The following SDK1 variants were observed in gnomAD, a reference collection of about 807,000 sequenced individuals.
The protein encoded by SDK1 is protein sidekick-1.
In SDK1, 157 loss-of-function variants were observed where a neutral mutation model predicts 245.5. That is an observed-to-expected ratio of 0.64 (90% CI 0.56 to 0.73). The LOEUF is 0.73. Among genes scored for constraint, SDK1 ranks in the 30% least tolerant of loss-of-function variants. SDK1 has a pLI of 0.00. For synonymous variants in SDK1, 1,647 were observed against 1,278.5 expected (o/e 1.29, Z -6.15); for missense variants, 3,583 against 3,002.3 (o/e 1.19, Z -4.52).
intron 17 of SDK1, among the ~76,000 whole-genome samples, chr7:4,035,745 A>G (rs1788161624): frequency 6.6e-6 from 1 of 152,214 alleles, no homozygotes; most frequent in Non-Finnish European, 1.5e-5. Flanking sequence ...GCAGGTCAGA[A>G]GCAGATAATG....
chr7:3,351,290 ATAAAAAT>A (rs946218982), intron 1 of SDK1, among the ~76,000 whole-genome samples: 4 of 152,206 alleles, frequency 2.6e-5, no homozygotes, highest in Non-Finnish European at 5.9e-5. Flanking sequence ...CATATAAATA[ATAAAAAT>A]TGGTGAATCA....
At position 4,130,006 on chromosome 7, in the gene SDK1, C is replaced by T. The variant is rs201492363; in HGVS notation, c.4038C>T (p.Phe1346=). ...QSALLAGLRK[F]VLYELQVLAF... ...CCCTGCTGGCAGGCCTGCGCAAGTT[C>T]GTGCTCTACGAGCTCCAGGTGCTGG... Residue 1346 remains phenylalanine (F), a synonymous_variant, in exon 27 of 45, where the codon TTC becomes TTT. Transcript: ENST00000404826. 75 of 1,613,652 alleles carry T rather than the reference C, an allele frequency of 4.6e-5. No homozygotes were observed. In the Admixed American group the frequency reaches 9.2e-4, roughly 20 times the overall value.
At position 3,807,909 on chromosome 7, in the gene SDK1, A is replaced by G. The variant is rs139560716; in HGVS notation, c.714-13541A>G. Among the ~76,000 whole-genome samples the G allele has an allele frequency of 5.4e-3, 826 of 152,252 alleles. 12 individuals carry two copies. Among genetic ancestry groups the G allele is most frequent in the African/African-American group, 0.018 (763 of 41,548 alleles). On this transcript the variant is annotated intron_variant, in intron 4 of 44. Coordinates refer to ENST00000404826, the MANE Select transcript of SDK1 (RefSeq NM_152744.4). Reference sequence around the variant, plus strand: ...AAGTGTATGCCAACTGTATGTACCAATCACCTTTTAATATCTCGTTTAATT... The same window carrying G: ...AAGTGTATGCCAACTGTATGTACCAGTCACCTTTTAATATCTCGTTTAATT...
chr7:3,559,907 G>A lies in SDK1; in HGVS notation c.299-59173G>A, dbSNP rs137935155. On this transcript the variant is annotated intron_variant, in intron 1 of 44. Coordinates refer to ENST00000404826, the MANE Select transcript of SDK1 (RefSeq NM_152744.4). The stretch of plus-strand genomic sequence containing the variant: ...CCTAGTATAGTGCTTGACAATAAAT[G>A]TTTCAGGATGATTGATGTTGAATAA... Among the ~76,000 whole-genome samples the A allele has an allele frequency of 1.6e-3, 246 of 152,266 alleles. 1 individual carries two copies. Among genetic ancestry groups the A allele is most frequent in the African/African-American group, 5.8e-3 (241 of 41,560 alleles).
chr7:4,214,848 C>T (rs1242240684), intron 38 of SDK1, among the ~76,000 whole-genome samples: 1 of 152,154 alleles, frequency 6.6e-6, no homozygotes, highest in African/African-American at 2.4e-5. Flanking sequence ...CCGCCGGGGT[C>T]TTTCCCGCCA....
chr7:3,788,332 T>C (rs1323185992), intron 4 of SDK1, among the ~76,000 whole-genome samples: 1 of 152,112 alleles, frequency 6.6e-6, no homozygotes, highest in African/African-American at 2.4e-5. Context: ...GTGCGGTCAG[T>C]GTGTGAAACT....
At chr7:3,386,337 A>G (rs1334195266) in intron 1 of SDK1, among the ~76,000 whole-genome samples, 4 of 152,200 alleles carry the variant, frequency 2.6e-5, no homozygotes, top group Non-Finnish European at 5.9e-5. Context: ...GAATTTCTGA[A>G]TATTTTATGT....
chr7:4,032,056 G>C (rs1326606650), intron 17 of SDK1, among the ~76,000 whole-genome samples: 2 of 149,732 alleles, frequency 1.3e-5, no homozygotes, highest in African/African-American at 2.5e-5. Context: ...TACATAGATA[G>C]ATAGATCGAT....
chr7:3,725,927 A>C (rs1479104441), intron 4 of SDK1, among the ~76,000 whole-genome samples: 2 of 152,234 alleles, frequency 1.3e-5, no homozygotes, highest in East Asian at 1.9e-4. Flanking sequence ...TACATCACAA[A>C]ATAATGACCG....
intron 4 of SDK1, among the ~76,000 whole-genome samples, chr7:3,751,372 C>T (rs1422140050): frequency 1.3e-5 from 2 of 151,676 alleles, no homozygotes; most frequent in Non-Finnish European, 2.9e-5. Flanking sequence ...GCTGCTGCGT[C>T]GCCCTCTCCA....
intron 5 of SDK1, among the ~76,000 whole-genome samples, chr7:3,850,869 G>A (rs1780402473): frequency 7.0e-6 from 1 of 143,834 alleles, no homozygotes; most frequent in African/African-American, 2.5e-5. Context: ...GGGGTAGGGG[G>A]AGGGGGGAGG....
At chr7:3,957,356 T>A (rs1034936139) in intron 7 of SDK1, among the ~76,000 whole-genome samples, 1 of 152,310 alleles carries the variant, frequency 6.6e-6, no homozygotes, top group Middle Eastern at 3.4e-3. Context: ...ATCCTGATCA[T>A]GATGTTATGC....
intron 1 of SDK1, among the ~76,000 whole-genome samples, chr7:3,525,558 G>A (rs1783099724): frequency 1.3e-5 from 2 of 152,120 alleles, no homozygotes; most frequent in African/African-American, 4.8e-5. Flanking sequence ...GGTGCTGTGT[G>A]TACAACATCC....
At chr7:3,668,404 A>G (rs1448351894) in intron 4 of SDK1, among the ~76,000 whole-genome samples, 2 of 152,194 alleles carry the variant, frequency 1.3e-5, no homozygotes, top group Non-Finnish European at 2.9e-5. Flanking sequence ...GGACCTCTCC[A>G]TGGGCATGGA....
chr7:3,340,579 G>A (rs906402760), intron 1 of SDK1, among the ~76,000 whole-genome samples: 1 of 152,036 alleles, frequency 6.6e-6, no homozygotes, highest in Non-Finnish European at 1.5e-5. Flanking sequence ...TGGCTAACAC[G>A]GTGAAACCCC....
chr7:4,130,534 G>C (rs578209633), intron 27 of SDK1: 1 of 161,936 alleles, frequency 6.2e-6, no homozygotes, highest in East Asian at 1.9e-4. Context: ...ATCCACAGTG[G>C]ACCTCATGCC....
chr7:3,943,024 G>T (rs537970369), intron 5 of SDK1, among the ~76,000 whole-genome samples: 1 of 152,302 alleles, frequency 6.6e-6, no homozygotes, highest in South Asian at 2.1e-4. Context: ...GCCTGTCCCT[G>T]TTCGAGCTGG....
At chr7:3,553,695 G>A (rs1583159379) in intron 1 of SDK1, among the ~76,000 whole-genome samples, 1 of 152,278 alleles carries the variant, frequency 6.6e-6, no homozygotes, top group East Asian at 1.9e-4. Flanking sequence ...TGAAGCAATT[G>A]TTAGAAGGAT....
At position 3,369,959 on chromosome 7, in the gene SDK1, C is replaced by T. The variant is rs753096928; in HGVS notation, c.298+68075C>T. Among the ~76,000 whole-genome samples the T allele has an allele frequency of 5.3e-5, 8 of 152,130 alleles. No individual in the cohort carries two copies. In the East Asian group the frequency reaches 5.8e-4, roughly 11 times the overall value. On this transcript the variant is annotated intron_variant, in intron 1 of 44. Transcript: ENST00000404826. Reference sequence around the variant, plus strand: ...TAGGCACAGGCAGCCTGTGAGTATCCGTGGCAGTTCGTTTCTAACTAGCAA... The same window carrying T: ...TAGGCACAGGCAGCCTGTGAGTATCTGTGGCAGTTCGTTTCTAACTAGCAA...
Sources: allele counts gnomAD v4.1 joint callset (sites outside exome capture counted in the v4.1 genomes callset), GRCh38; gene constraint gnomAD v4.1.1; transcripts MANE v1.5; gene names NCBI Gene and HGNC (gene_info 2026-07-23, HGNC 2026-07-21).